PPARA: variants seen among roughly 807,000 people sequenced by gnomAD.
The protein encoded by PPARA is peroxisome proliferator activated receptor alpha.
In PPARA, 22 loss-of-function variants were observed where a neutral mutation model predicts 42.2. The ratio of observed to expected loss-of-function variants is 0.52; its 90% CI spans 0.37 to 0.74. The LOEUF is 0.74. Ranked by LOEUF, PPARA falls within the 30% of genes least tolerant of loss-of-function variation. PPARA has a pLI of 0.00. For synonymous variants in PPARA, 242 were observed against 239.3 expected, an observed-to-expected ratio of 1.01 and a Z score of -0.10; for missense variants, 465 against 608.2, an observed-to-expected ratio of 0.76 and a Z score of 2.48.
chr22:46,201,124 CAAAA>C (rs1361052121), intron 4 of PPARA, among the ~76,000 whole-genome samples: 5 of 61,714 alleles, frequency 8.1e-5, no homozygotes, highest in African/African-American at 5.0e-5. Context: ...GATTCCGTCT[CAAAA>C]AAAAAAAAAA....
At position 46,219,760 on chromosome 22, in the gene PPARA, G is replaced by C; in HGVS notation, c.509-52G>C. The C allele has an allele frequency of 1.3e-6, 2 of 1,577,780 alleles. No individual in the cohort carries two copies. Among genetic ancestry groups the C allele is most frequent in the Admixed American group, 3.3e-5 (2 of 59,962 alleles). ...GGGAGCCCCTCGTCCAGCCCTGTCCGCGCAGTCATGACCTCACTGCTCATG... is the reference window on the plus strand; with the variant it reads ...GGGAGCCCCTCGTCCAGCCCTGTCCCCGCAGTCATGACCTCACTGCTCATG... On this transcript the variant is annotated intron_variant, in intron 6 of 8. Transcript: ENST00000407236. This position sits in a 1 kb window ranked among gnomAD's most constrained non-coding sequence, Gnocchi z 4.8.
intron 3 of PPARA, among the ~76,000 whole-genome samples, chr22:46,181,898 C>T (rs1930025483): frequency 1.3e-5 from 2 of 152,212 alleles, no homozygotes; most frequent in African/African-American, 4.8e-5. Flanking sequence ...GAAAAAGCCA[C>T]AGGAAAATTA....
At chr22:46,223,859 A>G (rs2147626722) in intron 7 of PPARA, among the ~76,000 whole-genome samples, 1 of 150,426 alleles carries the variant, frequency 6.6e-6, no homozygotes, top group South Asian at 2.1e-4. Context: ...CTGAGGCAGG[A>G]GAATGGCGTG....
chr22:46,226,706 G>A (rs545499094), intron 7 of PPARA, among the ~76,000 whole-genome samples: 175 of 152,184 alleles, frequency 1.1e-3, no homozygotes, highest in Non-Finnish European at 3.8e-4. Context: ...AACATAGTGA[G>A]ACCTCCTCTA....
chr22:46,167,017 AT>A lies in PPARA; in HGVS notation c.-126-9734del, dbSNP rs1488143948. Among the ~76,000 whole-genome samples the A allele has an allele frequency of 5.3e-5, 8 of 152,228 alleles. No individual in the cohort carries two copies. Among genetic ancestry groups the A allele is most frequent in the African/African-American group, 1.9e-4 (8 of 41,460 alleles). On this transcript the variant is annotated intron_variant, in intron 2 of 8. Transcript: ENST00000407236. The surrounding 1 kb of genome is among the most constrained non-coding windows in gnomAD (Gnocchi z 4.1). Reference sequence around the variant, plus strand: ...GCTACAGTAATCAAGACAGTATGGTATTGATATGAAAATAGACCATTAGATG... The same window carrying A: ...GCTACAGTAATCAAGACAGTATGGTATGATATGAAAATAGACCATTAGATG...
chr22:46,201,124 CAA>C (rs1361052121), intron 4 of PPARA, among the ~76,000 whole-genome samples: 114 of 61,724 alleles, frequency 1.8e-3, no homozygotes, highest in African/African-American at 4.6e-3. Flanking sequence ...GATTCCGTCT[CAA>C]AAAAAAAAAA....
At chr22:46,198,297 C>G in intron 3 of PPARA, 45 bp from the exon 4 acceptor site, 3 of 913,048 alleles carry the variant, frequency 3.3e-6, no homozygotes, top group Non-Finnish European at 5.1e-6. Context: ...AACAAGTGAA[C>G]GTTGTTATAC....
rs779699724 is a variant in PPARA at position 46,171,592 on chromosome 22, G to C, written c.-126-5161G>C. On this transcript the variant is annotated intron_variant, in intron 2 of 8. Transcript: ENST00000407236. This position sits in a 1 kb window ranked among gnomAD's most constrained non-coding sequence, Gnocchi z 5.0. Reference sequence around the variant, plus strand: ...ACCAGGACCTAGCATCTGAGGAAGGGCTGGAAGCAGGTGAGAGCAGGTGGA... The same window carrying C: ...ACCAGGACCTAGCATCTGAGGAAGGCCTGGAAGCAGGTGAGAGCAGGTGGA... 7 of 152,962 alleles carry C rather than the reference G, an allele frequency of 4.6e-5. No homozygotes were observed. The highest frequency in any genetic ancestry group is 8.7e-5 in the Non-Finnish European group (6 of 68,626). The allele number at this position is 152,962 out of a possible 1,614,324, so 9.5% of individuals were successfully genotyped here.
At position 46,160,857 on chromosome 22, in the gene PPARA, A is replaced by G. The variant is rs1926058129; in HGVS notation, c.-127+8887A>G. ...AGTGATCTGTCCGCCTTGGCCTCCC[A>G]AAGTGTTGGGATTACAGGTGTGATT... On this transcript the variant is annotated intron_variant, in intron 2 of 8. Coordinates refer to ENST00000407236, the MANE Select transcript of PPARA (RefSeq NM_005036.6). The surrounding 1 kb of genome is among the most constrained non-coding windows in gnomAD (Gnocchi z 4.5). Among the ~76,000 whole-genome samples the G allele has an allele frequency of 1.3e-5, 2 of 152,212 alleles. No homozygotes were observed. Among genetic ancestry groups the G allele is most frequent in the Admixed American group, 1.3e-4 (2 of 15,280 alleles).
At chr22:46,197,350 C>T (rs1299270646) in intron 3 of PPARA, among the ~76,000 whole-genome samples, 1 of 152,124 alleles carries the variant, frequency 6.6e-6, no homozygotes, top group East Asian at 1.9e-4. Context: ...GTGCCCGGCC[C>T]AGGGATCTGT....
chr22:46,228,360 C>A (rs1935617410), intron 7 of PPARA, among the ~76,000 whole-genome samples: 1 of 151,954 alleles, frequency 6.6e-6, no homozygotes, highest in African/African-American at 2.4e-5. Context: ...CATGGTGAAA[C>A]CCCATCTCTA....
intron 7 of PPARA, among the ~76,000 whole-genome samples, chr22:46,226,818 G>A (rs962747434): frequency 5.3e-5 from 8 of 151,968 alleles, no homozygotes; most frequent in Non-Finnish European, 8.8e-5. Flanking sequence ...CTGTGGTTGC[G>A]CCACTGTACT....
In PPARA at chr22:46,240,515, G is replaced by T; in HGVS notation, c.*5135G>T. 2.8e-6 allele frequency: 1 copy of T among 361,948 alleles called. No individual in the cohort carries two copies. The allele number at this position is 361,948 out of a possible 1,614,324, so 22.4% of individuals were successfully genotyped here. A position where few individuals can be genotyped will look rare whatever the true frequency, so the allele number is the denominator to read the frequency against. Reference sequence around the variant, plus strand: ...GGTTGGCCTGATGCAGGGATCCCGAGGGATTACTTTTTAGACCTTCTTTCA... The same window carrying T: ...GGTTGGCCTGATGCAGGGATCCCGATGGATTACTTTTTAGACCTTCTTTCA... On this transcript the variant is annotated 3_prime_UTR_variant, in exon 9 of 9. Transcript: ENST00000407236. The surrounding 1 kb of genome is among the most constrained non-coding windows in gnomAD (Gnocchi z 6.0).
chr22:46,172,425 T>C (rs1048088055), intron 2 of PPARA, among the ~76,000 whole-genome samples: 2 of 151,316 alleles, frequency 1.3e-5, no homozygotes, highest in Admixed American at 6.6e-5. Flanking sequence ...AGTCAGGAGT[T>C]GGAGACCAGC....
rs1345721148 is a variant in PPARA at position 46,239,086 on chromosome 22, AG to A, written c.*3708del. The A allele has an allele frequency of 6.6e-6, 1 of 152,264 alleles. No homozygotes were observed. Among genetic ancestry groups the A allele is most frequent in the Non-Finnish European group, 1.5e-5 (1 of 68,088 alleles). 9.4% of individuals were successfully genotyped at this position (152,264 alleles called of 1,614,324 possible). A position where few individuals can be genotyped will look rare whatever the true frequency, so the allele number is the denominator to read the frequency against. ...CAGAACTCAGCATTCAAGGATGCCC[AG>A]GAGAGCTGTCCCTGTTTTAAAGAGC... is the stretch of plus-strand genomic sequence containing the variant. On this transcript the variant is annotated 3_prime_UTR_variant, in exon 9 of 9. Coordinates refer to ENST00000407236, the MANE Select transcript of PPARA (RefSeq NM_005036.6).
chr22:46,217,775 A>G (rs1340716610), intron 5 of PPARA, among the ~76,000 whole-genome samples: 1 of 108,424 alleles, frequency 9.2e-6, no homozygotes, highest in South Asian at 2.9e-4. Flanking sequence ...AAAGTTCTGT[A>G]TTTGTCCTAA....
chr22:46,152,138 T>C (rs912766029), intron 2 of PPARA, among the ~76,000 whole-genome samples, 168 bp downstream of exon 2: 3 of 146,620 alleles, frequency 2.0e-5, no homozygotes, highest in Admixed American at 2.0e-4. Flanking sequence ...ATTCATTTTT[T>C]TTTTTTTTTT....
Position 46,200,374 on chromosome 22 carries a change from G to A in PPARA, c.208+1783G>A, listed in dbSNP as rs767514066. Among the ~76,000 whole-genome samples the A allele has an allele frequency of 1.1e-4, 16 of 152,206 alleles. No individual in the cohort carries two copies. Among genetic ancestry groups the A allele is most frequent in the South Asian group, 4.1e-4 (2 of 4,834 alleles). On this transcript the variant is annotated intron_variant, in intron 4 of 8. Coordinates refer to ENST00000407236, the MANE Select transcript of PPARA (RefSeq NM_005036.6). This position sits in a 1 kb window ranked among gnomAD's most constrained non-coding sequence, Gnocchi z 4.8. ...AGCCTGCTGCACACCGAGGCTCTGC[G>A]GTGCAGCCTGTTGCTCCAAGGCACG...
In PPARA at chr22:46,227,626, G is replaced by A. The variant is rs1321700503; in HGVS notation, c.712-4166G>A. The stretch of plus-strand genomic sequence containing the variant: ...CTCATGAGTGATATCATTGAGCTTC[G>A]TAGGCCACATGAGTGTGTGCCGGGA... On this transcript the variant is annotated intron_variant, in intron 7 of 8. Coordinates refer to ENST00000407236, the MANE Select transcript of PPARA (RefSeq NM_005036.6). The surrounding 1 kb of genome is among the most constrained non-coding windows in gnomAD (Gnocchi z 4.3). Among the ~76,000 whole-genome samples the A allele has an allele frequency of 3.9e-5, 6 of 152,160 alleles. No individual in the cohort carries two copies. Among genetic ancestry groups the A allele is most frequent in the African/African-American group, 9.7e-5 (4 of 41,438 alleles).
Sources: gnomAD v4.1 joint callset for allele counts (sites outside exome capture counted in the v4.1 genomes callset) on GRCh38, gnomAD v4.1.1 for gene constraint, Gnocchi (gnomAD v3.1) non-coding constraint, MANE v1.5 for transcripts, NCBI Gene and HGNC (gene_info 2026-07-23, HGNC 2026-07-21) for gene names.